PRPF31: variants seen among roughly 807,000 people sequenced by gnomAD.
PRPF31 encodes the protein U4/U6 small nuclear ribonucleoprotein Prp31.
PRPF31 carries 12 observed loss-of-function variants against 60.4 expected under a neutral mutation model. The ratio of observed to expected loss-of-function variants is 0.20; its 90% CI spans 0.13 to 0.32. PRPF31 has a LOEUF of 0.32. PRPF31 is among the 10% of genes least tolerant of loss of function. The pLI is 1.00. For synonymous variants in PRPF31, 287 were observed against 287.9 expected (o/e 1.00, Z 0.03); for missense variants, 431 against 687.1 (o/e 0.63, Z 4.17).
chr19:54,122,011 CTG>C, intron 4 of PRPF31, 68 bp downstream of exon 4: 1 of 1,483,252 alleles, frequency 6.7e-7, no homozygotes, highest in Non-Finnish European at 9.2e-7. Context: ...CCCTTCCCCA[CTG>C]GCCTTTCCCA....
intron 3 of PRPF31, among the ~76,000 whole-genome samples, chr19:54,120,724 C>T (rs952298427): frequency 2.0e-5 from 3 of 152,204 alleles, no homozygotes; most frequent in African/African-American, 7.2e-5. Context: ...GTTCCTGCCT[C>T]AGCCTCCCAG....
intron 1 of PRPF31, 94 bp downstream of exon 1, chr19:54,115,891 G>GT (rs2073618877): frequency 5.4e-6 from 1 of 184,978 alleles, no homozygotes; most frequent in African/African-American, 2.3e-5. Context: ...TTACAGCTTG[G>GT]TTTTTGTTTT....
At chr19:54,120,007 G>A (rs1457512110) in intron 3 of PRPF31, 2 of 149,734 alleles carry the variant, frequency 1.3e-5, no homozygotes, top group African/African-American at 2.6e-5. Context: ...ACAGCTATCA[G>A]TGGTGGTACC....
At chr19:54,128,505 C>G (rs10417221) in intron 11 of PRPF31, 128 bp downstream of exon 11, 2 of 935,878 alleles carry the variant, frequency 2.1e-6, no homozygotes, top group Non-Finnish European at 1.7e-6. Flanking sequence ...CCCAGCCTCC[C>G]CCCCCCCGGC....
Position 54,123,783 on chromosome 19 carries a change from G to A in PRPF31, c.562G>A (p.Glu188Lys), listed in dbSNP as rs527236094. Reference sequence around the variant, plus strand: ...GTCGGAGGAGGAGCTGGAGCGGCTGGAGGAGGCCTGCGACATGGCGCTGGA... The same window carrying A: ...GTCGGAGGAGGAGCTGGAGCGGCTGAAGGAGGCCTGCGACATGGCGCTGGA... ...QLSEEELERL[E>K]EACDMALELN... is the part of the protein sequence containing the mutation. The change falls in exon 7 of 14, where the codon GAG (glutamate) becomes AAG (lysine). Residue 188 changes from glutamate (E) to lysine (K), a missense_variant. Physicochemically the swap from Glu to Lys is moderately conservative, Grantham distance 56 (BLOSUM62 1). This residue lies in a region of PRPF31 where 314 missense variants were observed against 475.3 expected (regional missense o/e 0.66). Coordinates refer to ENST00000321030, the MANE Select transcript of PRPF31 (RefSeq NM_015629.4). 3.7e-6 allele frequency: 6 copies of A among 1,611,920 alleles called. No homozygotes were observed. The highest frequency in any genetic ancestry group is 1.7e-4 in the Middle Eastern group (1 of 6,058).
chr19:54,121,692 C>G (rs587675130), intron 3 of PRPF31, 168 bp from the exon 4 acceptor site: 1 of 721,560 alleles, frequency 1.4e-6, no homozygotes, highest in Admixed American at 2.0e-5. Context: ...GGATTGAAGG[C>G]AGGAACACAA....
chr19:54,124,938 C>T, intron 8 of PRPF31: 2 of 574,278 alleles, frequency 3.5e-6, no homozygotes, highest in Admixed American at 3.0e-5. Context: ...GACGAGGGCT[C>T]AGTGCACATG....
At chr19:54,125,148 G>C in intron 8 of PRPF31, 1 of 226,252 alleles carries the variant, frequency 4.4e-6, no homozygotes, top group Non-Finnish European at 9.0e-6. Flanking sequence ...TCCTCTCCCT[G>C]CAGTCGGGAC....
intron 11 of PRPF31, among the ~76,000 whole-genome samples, chr19:54,128,581 C>T (rs985856433): frequency 4.6e-5 from 7 of 150,930 alleles, no homozygotes; most frequent in African/African-American, 9.8e-5. Context: ...CCTGTGTCTC[C>T]GCTGCTTAGA....
intron 5 of PRPF31, 65 bp downstream of exon 5, chr19:54,122,659 C>A (rs1168534792): frequency 5.0e-5 from 67 of 1,346,942 alleles, no homozygotes; most frequent in Non-Finnish European, 6.3e-5. Flanking sequence ...CACTCTCGGA[C>A]CCCCTCCCAG....
rs372817607 is a variant in PRPF31 at position 54,116,719 on chromosome 19, A to T, written c.-9+922A>T. Reference sequence around the variant, plus strand: ...GTGCGGGACACGTTATCACAAAGCAACCTCCTGTAGTCTAGAGTGGGGCGT... The same window carrying T: ...GTGCGGGACACGTTATCACAAAGCATCCTCCTGTAGTCTAGAGTGGGGCGT... On this transcript the variant is annotated intron_variant, in intron 1 of 13. Transcript: ENST00000321030. Among the ~76,000 whole-genome samples the T allele has an allele frequency of 2.4e-4, 37 of 152,346 alleles. No homozygotes were observed. The East Asian group carries it at 5.0e-3, about 21-fold the overall frequency.
chr19:54,118,232 C>A, intron 1 of PRPF31, 39 bp from the exon 2 acceptor site: 1 of 1,611,908 alleles, frequency 6.2e-7, no homozygotes. Flanking sequence ...GGGACTTTGT[C>A]GGGGCAAGTT....
intron 1 of PRPF31, among the ~76,000 whole-genome samples, chr19:54,117,269 T>C (rs1291347731): frequency 1.3e-5 from 2 of 152,084 alleles, no homozygotes; most frequent in African/African-American, 4.8e-5. Context: ...GCTTTACTGA[T>C]CAAATGCTCG....
intron 7 of PRPF31, 68 bp from the exon 8 acceptor site, chr19:54,124,431 G>C: frequency 7.2e-7 from 1 of 1,381,074 alleles, no homozygotes. Context: ...CCCCCAGGCA[G>C]ATTTACTCAC....
At position 54,124,575 on chromosome 19, in the gene PRPF31, G is replaced by T. The variant is rs778556890; in HGVS notation, c.774G>T (p.Thr258=). The T allele has an allele frequency of 9.3e-6, 15 of 1,613,188 alleles. No homozygotes were observed. Among genetic ancestry groups the T allele is most frequent in the South Asian group, 1.1e-5 (1 of 91,082 alleles). The part of the protein sequence containing the change: ...NIMLLGAQRK[T]LSGFSSTSVL... ...TGCTGCTCGGGGCCCAGCGCAAGAC[G>T]CTGTCGGGCTTCTCGTCTACCTCAG... Residue 258 remains threonine, a synonymous_variant, in exon 8 of 14, where the codon ACG becomes ACT. Transcript: ENST00000321030.
Position 54,126,546 on chromosome 19 carries a change from G to T in PRPF31, c.874G>T (p.Ala292Ser). The change falls in exon 9 of 14, where the codon GCC becomes TCC. Residue 292 changes from alanine to serine, a missense_variant. This residue lies in a region of PRPF31 where 314 missense variants were observed against 475.3 expected (regional missense o/e 0.66). Transcript: ENST00000321030. ...SLPPDLRRKA[A>S]RLVAAKCTLA... is the part of the protein sequence containing the mutation. ...GCTCCAGGATCTGCGGCGGAAAGCG[G>T]CCCGGCTGGTGGCCGCCAAGTGCAC... 6.2e-7 allele frequency: 1 copy of T among 1,613,110 alleles called. No homozygotes were observed. The highest frequency in any genetic ancestry group is 8.5e-7 in the Non-Finnish European group (1 of 1,179,720).
intron 5 of PRPF31, 66 bp downstream of exon 5, chr19:54,122,660 C>A (rs587700279): frequency 7.5e-7 from 1 of 1,338,528 alleles, no homozygotes; most frequent in Non-Finnish European, 1.1e-6. Context: ...ACTCTCGGAC[C>A]CCCTCCCAGA....
At position 54,131,699 on chromosome 19, in the gene PRPF31, A is replaced by G; in HGVS notation, c.*267A>G. ...ATTTTTTGAAAAGAGTACAATTAAA[A>G]GGACATTGTCAAGATCTGTCCTTGG... is the stretch of plus-strand genomic sequence containing the variant. On this transcript the variant is annotated 3_prime_UTR_variant, in exon 14 of 14. Transcript: ENST00000321030. The G allele has an allele frequency of 1.8e-6, 1 of 566,136 alleles. No homozygotes were observed. Among genetic ancestry groups the G allele is most frequent in the Non-Finnish European group, 3.2e-6 (1 of 315,754 alleles). The allele number at this position is 566,136 out of a possible 1,614,324, so 35.1% of individuals were successfully genotyped here.
At chr19:54,118,784 C>A in intron 3 of PRPF31, 151 bp downstream of exon 3, 1 of 697,882 alleles carries the variant, frequency 1.4e-6, no homozygotes, top group South Asian at 1.8e-5. Context: ...GTTCCCTTTT[C>A]CACTAAATAT....
Sources: allele counts gnomAD v4.1 joint callset (sites outside exome capture counted in the v4.1 genomes callset), GRCh38; gene constraint gnomAD v4.1.1; regional missense constraint gnomAD v4.1.1; transcripts MANE v1.5; gene names NCBI Gene and HGNC (gene_info 2026-07-23, HGNC 2026-07-21).